The following WWOX variants were observed in gnomAD, a reference collection of about 807,000 sequenced individuals.
WWOX encodes the protein WW domain-containing oxidoreductase.
Under a neutral mutation model 46.2 loss-of-function variants are expected in WWOX, and 69 were observed. The ratio of observed to expected loss-of-function variants is 1.49; its 90% CI spans 1.23 to 1.82. The LOEUF (loss-of-function observed/expected upper bound fraction) is 1.82, where lower values mean the gene tolerates loss of function less well. Among genes scored for constraint, WWOX ranks in the 40% most tolerant of loss-of-function variants. The pLI is 0.00. For synonymous variants in WWOX, 359 were observed against 202.6 expected (o/e 1.77, Z -6.56); for missense variants, 919 against 542.6 (o/e 1.69, Z -6.89).
chr16:78,866,399 G>C (rs1164818246), intron 8 of WWOX, among the ~76,000 whole-genome samples: 1 of 151,932 alleles, frequency 6.6e-6, no homozygotes, highest in Admixed American at 6.6e-5. Flanking sequence ...GCTGTAGCAA[G>C]GGAAGAAATC....
intron 8 of WWOX, among the ~76,000 whole-genome samples, chr16:79,153,448 C>T (rs943677621): frequency 6.6e-6 from 1 of 152,156 alleles, no homozygotes; most frequent in South Asian, 2.1e-4. Flanking sequence ...TGGGGTCATA[C>T]CAAGTCATTT....
intron 8 of WWOX, among the ~76,000 whole-genome samples, chr16:78,949,002 G>A (rs754275736): frequency 2.6e-5 from 4 of 152,098 alleles, no homozygotes; most frequent in Non-Finnish European, 4.4e-5. Flanking sequence ...GGGGCACATG[G>A]CTAGAAATAT....
intron 8 of WWOX, among the ~76,000 whole-genome samples, chr16:78,685,511 C>G (rs1448198888): frequency 4.6e-5 from 7 of 152,158 alleles, no homozygotes; most frequent in Non-Finnish European, 1.0e-4. Context: ...GACCTGGGGA[C>G]TATGTATCCT....
At chr16:79,042,130 C>T (rs1165129432) in intron 8 of WWOX, among the ~76,000 whole-genome samples, 1 of 152,156 alleles carries the variant, frequency 6.6e-6, no homozygotes, top group African/African-American at 2.4e-5. Context: ...CCCACGTTCC[C>T]CCGCCTGTCT....
chr16:78,728,609 A>G (rs1030654477), intron 8 of WWOX, among the ~76,000 whole-genome samples: 1 of 152,170 alleles, frequency 6.6e-6, no homozygotes, highest in Admixed American at 6.5e-5. Flanking sequence ...TGATGAAAAG[A>G]GCTTTGACCT....
intron 8 of WWOX, among the ~76,000 whole-genome samples, chr16:79,159,367 A>C (rs2050441481): frequency 6.6e-6 from 1 of 152,222 alleles, no homozygotes; most frequent in Non-Finnish European, 1.5e-5. Flanking sequence ...TCCTGCAAGT[A>C]CTGGCTAGAT....
intron 8 of WWOX, among the ~76,000 whole-genome samples, chr16:78,575,375 C>T (rs1184160154): frequency 6.6e-6 from 1 of 151,608 alleles, no homozygotes; most frequent in Non-Finnish European, 1.5e-5. Flanking sequence ...TGAAATAGCC[C>T]TATCTCCAGG....
chr16:78,640,721 C>T (rs2432243), intron 8 of WWOX, among the ~76,000 whole-genome samples: 1 of 151,986 alleles, frequency 6.6e-6, no homozygotes, highest in Non-Finnish European at 1.5e-5. Context: ...GGCAGATTGC[C>T]TGAGCTCAGG....
Position 79,141,282 on chromosome 16 carries a change from C to T in WWOX, c.1057-70326C>T, listed in dbSNP as rs555151177. Among the ~76,000 whole-genome samples the T allele has an allele frequency of 4.6e-5, 7 of 152,270 alleles. No homozygotes were observed. In the East Asian group the frequency reaches 5.8e-4, roughly 13 times the overall value. On this transcript the variant is annotated intron_variant, in intron 8 of 8. Transcript: ENST00000566780. ...TCTGAGTTGTCCCACCTTTCCAGAC[C>T]GAACGAGTGTTCATCTTGCATATGT...
intron 8 of WWOX, among the ~76,000 whole-genome samples, chr16:78,451,019 G>A (rs1029038731): frequency 7.2e-5 from 11 of 152,212 alleles, no homozygotes; most frequent in Admixed American, 2.0e-4. Context: ...TCCCTAACCC[G>A]GAAGAGTCTT....
intron 8 of WWOX, among the ~76,000 whole-genome samples, chr16:78,998,448 C>T (rs2047032266): frequency 1.3e-5 from 2 of 152,086 alleles, no homozygotes; most frequent in Non-Finnish European, 2.9e-5. Flanking sequence ...GGAAGACAGT[C>T]AGTTTTAAAG....
At chr16:78,710,498 A>ATATATATATATATATATATATATATATG (rs941311575) in intron 8 of WWOX, among the ~76,000 whole-genome samples, 1 of 132,836 alleles carries the variant, frequency 7.5e-6, no homozygotes, top group Non-Finnish European at 1.6e-5. Context: ...ATATATATAT[A>ATATATATATATATATATATATATATATG]TTTATATAAA....
At chr16:78,292,422 T>C (rs2079875004) in intron 5 of WWOX, among the ~76,000 whole-genome samples, 1 of 152,208 alleles carries the variant, frequency 6.6e-6, no homozygotes, top group African/African-American at 2.4e-5. Flanking sequence ...GAATGGATTT[T>C]TATGGTCTTT....
chr16:78,844,435 G>T (rs1292237861), intron 8 of WWOX, among the ~76,000 whole-genome samples: 1 of 152,128 alleles, frequency 6.6e-6, no homozygotes, highest in Non-Finnish European at 1.5e-5. Flanking sequence ...AATTTGGGCA[G>T]TCTCACTGAA....
At chr16:78,748,858 G>T (rs1331107003) in intron 8 of WWOX, among the ~76,000 whole-genome samples, 2 of 152,220 alleles carry the variant, frequency 1.3e-5, no homozygotes, top group African/African-American at 4.8e-5. Context: ...AAGTAGGAAG[G>T]AGCATCTTTG....
intron 8 of WWOX, among the ~76,000 whole-genome samples, chr16:78,627,960 C>T (rs1400763073): frequency 6.6e-6 from 1 of 152,200 alleles, no homozygotes; most frequent in Non-Finnish European, 1.5e-5. Flanking sequence ...GTTGAGAGCT[C>T]TGTTGACAAA....
chr16:78,656,866 A>T lies in WWOX; in HGVS notation c.1056+224114A>T, dbSNP rs72794724. The stretch of plus-strand genomic sequence containing the variant: ...TGTGTTTCATGGGAAACAGGAAGAC[A>T]TTTAGGGGAGGCTGTAGATACACAG... On this transcript the variant is annotated intron_variant, in intron 8 of 8. Coordinates refer to ENST00000566780, the MANE Select transcript of WWOX (RefSeq NM_016373.4). 8.9e-3 allele frequency among the ~76,000 whole-genome samples: 1,358 copies of T among 152,266 alleles called. 14 individuals are homozygous for T. Among genetic ancestry groups the T allele is most frequent in the Middle Eastern group, 0.024 (7 of 294 alleles).
chr16:78,382,082 T>C (rs576533036), intron 5 of WWOX, among the ~76,000 whole-genome samples: 1 of 152,322 alleles, frequency 6.6e-6, no homozygotes, highest in South Asian at 2.1e-4. Flanking sequence ...GACTTTTTTT[T>C]ATAATGGATG....
At chr16:79,035,922 C>G (rs144536839) in intron 8 of WWOX, among the ~76,000 whole-genome samples, 2 of 152,332 alleles carry the variant, frequency 1.3e-5, no homozygotes, top group East Asian at 1.9e-4. Context: ...AAGGAGCTGC[C>G]TCAGACTGTC....
Sources: gnomAD v4.1 joint callset for allele counts (sites outside exome capture counted in the v4.1 genomes callset) on GRCh38, gnomAD v4.1.1 for gene constraint, MANE v1.5 for transcripts, NCBI Gene and HGNC (gene_info 2026-07-23, HGNC 2026-07-21) for gene names.